Variants in TSHZ2 observed in about 807,000 individuals in gnomAD.
TSHZ2 encodes teashirt zinc finger homeobox 2.
Under a neutral mutation model 74.4 loss-of-function variants are expected in TSHZ2, and 21 were observed. The observed-to-expected ratio is 0.28, with a 90% confidence interval of 0.20 to 0.41. The LOEUF (loss-of-function observed/expected upper bound fraction) is 0.41, where lower values mean the gene tolerates loss of function less well. Among genes scored for constraint, TSHZ2 ranks in the 10% least tolerant of loss-of-function variants. The probability of loss-of-function intolerance (pLI) is 1.00; values close to 1 mark genes in which losing one functional copy is unlikely to be tolerated. For missense variants in TSHZ2, 1,244 were observed against 1,293.5 expected, an observed-to-expected ratio of 0.96 and a Z score of 0.59; for synonymous variants, 540 against 515.3, an observed-to-expected ratio of 1.05 and a Z score of -0.65.
At chr20:52,997,813 G>T (rs1421689677) in intron 1 of TSHZ2, among the ~76,000 whole-genome samples, 2 of 152,194 alleles carry the variant, frequency 1.3e-5, no homozygotes, top group African/African-American at 2.4e-5. Context: ...TGCAAAGTGG[G>T]TTCATAAAAT....
At chr20:53,065,103 C>T (rs1195601918) in intron 1 of TSHZ2, among the ~76,000 whole-genome samples, 1 of 152,232 alleles carries the variant, frequency 6.6e-6, no homozygotes. Context: ...CACTTAACCT[C>T]ACTGCGCCTC....
At chr20:52,982,612 A>T (rs989771262) in intron 1 of TSHZ2, among the ~76,000 whole-genome samples, 2 of 152,234 alleles carry the variant, frequency 1.3e-5, no homozygotes, top group African/African-American at 4.8e-5. Context: ...ACAGTAGACA[A>T]GAATAGAGAT....
chr20:53,284,984 C>T (rs552106939), intron 2 of TSHZ2, among the ~76,000 whole-genome samples: 4 of 152,086 alleles, frequency 2.6e-5, no homozygotes, highest in African/African-American at 7.2e-5. Context: ...TCACGAGGGC[C>T]GGCGCTGCAA....
At chr20:53,133,053 A>T (rs1247895409) in intron 1 of TSHZ2, among the ~76,000 whole-genome samples, 1 of 152,074 alleles carries the variant, frequency 6.6e-6, no homozygotes, top group Non-Finnish European at 1.5e-5. Flanking sequence ...TATGTTTTTA[A>T]TATTATTCAT....
At chr20:53,307,352 T>C (rs1169706349) in intron 2 of TSHZ2, among the ~76,000 whole-genome samples, 1 of 152,194 alleles carries the variant, frequency 6.6e-6, no homozygotes, top group Non-Finnish European at 1.5e-5. Flanking sequence ...GCTATAGAGC[T>C]GTCAAGAAAA....
At chr20:53,192,303 A>C (rs983574217) in intron 1 of TSHZ2, among the ~76,000 whole-genome samples, 2 of 152,046 alleles carry the variant, frequency 1.3e-5, no homozygotes, top group African/African-American at 4.8e-5. Flanking sequence ...AAAAAAAAAA[A>C]AAAACAAAAA....
At chr20:53,122,885 A>T (rs1055031716) in intron 1 of TSHZ2, among the ~76,000 whole-genome samples, 4 of 152,200 alleles carry the variant, frequency 2.6e-5, no homozygotes, top group African/African-American at 9.7e-5. Context: ...ACTTCTGATT[A>T]AATACATTTT....
At chr20:53,023,620 T>G (rs772184289) in intron 1 of TSHZ2, among the ~76,000 whole-genome samples, 6,024 of 51,574 alleles carry the variant, frequency 0.12, 167 homozygotes, top group Non-Finnish European at 0.13. Flanking sequence ...TCGTTTTTTG[T>G]TTTTTTTTTT....
At chr20:53,433,273 AG>A (rs1454062658) in intron 2 of TSHZ2, among the ~76,000 whole-genome samples, 1 of 152,184 alleles carries the variant, frequency 6.6e-6, no homozygotes, top group Non-Finnish European at 1.5e-5. Flanking sequence ...GCACTAAGGA[AG>A]GAGGATCACT....
At chr20:53,125,107 A>G (rs1389765265) in intron 1 of TSHZ2, among the ~76,000 whole-genome samples, 1 of 152,254 alleles carries the variant, frequency 6.6e-6, no homozygotes, top group Non-Finnish European at 1.5e-5. Context: ...CGATTTTGTC[A>G]TCTCGAAAAT....
rs148188030 is a variant in TSHZ2 at position 53,162,502 on chromosome 20, A to G, written c.41-90997A>G. Among the ~76,000 whole-genome samples, 621 of 152,146 alleles carry G rather than the reference A, an allele frequency of 4.1e-3. 3 individuals are homozygous for G. Among genetic ancestry groups the G allele is most frequent in the South Asian group, 0.014 (69 of 4,828 alleles). ...TGATGGTAAAGAGATGAGATCAGCC[A>G]CTAGGGGATCGGTCGATGGGATCAG... is the stretch of plus-strand genomic sequence containing the variant. On this transcript the variant is annotated intron_variant, in intron 1 of 2. Transcript: ENST00000371497.
At chr20:53,173,741 C>CAGGT (rs999093881) in intron 1 of TSHZ2, among the ~76,000 whole-genome samples, 2 of 151,972 alleles carry the variant, frequency 1.3e-5, no homozygotes, top group Non-Finnish European at 2.9e-5. Flanking sequence ...GGTGGGTAGG[C>CAGGT]AGGTAGGTAG....
chr20:53,278,501 G>A (rs75810088), intron 2 of TSHZ2, among the ~76,000 whole-genome samples: 9,079 of 152,122 alleles, frequency 0.06, 413 homozygotes, highest in Admixed American at 0.12. Context: ...CAGGACTGAT[G>A]CAGTAGCCAC....
At chr20:53,252,751 T>C (rs1000987854) in intron 1 of TSHZ2, among the ~76,000 whole-genome samples, 1 of 152,190 alleles carries the variant, frequency 6.6e-6, no homozygotes, top group African/African-American at 2.4e-5. Flanking sequence ...TTCAACCTTG[T>C]CTGGAAAGGT....
At chr20:53,201,016 A>ATT (rs199964279) in intron 1 of TSHZ2, among the ~76,000 whole-genome samples, 8 of 149,300 alleles carry the variant, frequency 5.4e-5, no homozygotes, top group South Asian at 2.1e-4. Flanking sequence ...TTTTCCATTA[A>ATT]TTTTTTTTTT....
At chr20:53,389,870 G>A (rs766543969) in intron 2 of TSHZ2, among the ~76,000 whole-genome samples, 47 of 152,190 alleles carry the variant, frequency 3.1e-4, no homozygotes, top group Non-Finnish European at 6.2e-4. Flanking sequence ...AGAATTGTCC[G>A]GCCTGAAATG....
At chr20:53,024,275 A>G (rs1442801375) in intron 1 of TSHZ2, among the ~76,000 whole-genome samples, 1 of 151,962 alleles carries the variant, frequency 6.6e-6, no homozygotes, top group East Asian at 1.9e-4. Flanking sequence ...TTCAGGGGAA[A>G]CCAAATCATA....
chr20:53,410,474 T>TGGA (rs2145695963), intron 2 of TSHZ2, among the ~76,000 whole-genome samples: 1 of 152,206 alleles, frequency 6.6e-6, no homozygotes, highest in Admixed American at 6.5e-5. Context: ...ACAAAATCGG[T>TGGA]GGAGGAGGAG....
In TSHZ2 at chr20:53,388,326, TG is replaced by T. The variant is rs896660867; in HGVS notation, c.*9-98817del. 7.2e-5 allele frequency among the ~76,000 whole-genome samples: 11 copies of T among 152,236 alleles called. No homozygotes were observed. In the East Asian group the frequency reaches 9.6e-4, roughly 13 times the overall value. On this transcript the variant is annotated intron_variant, in intron 2 of 2. Coordinates refer to ENST00000371497, the MANE Select transcript of TSHZ2 (RefSeq NM_173485.6). ...CACATTTCTTGCTCCTTCACTTAAA[TG>T]ACACACAAATTATTGGGTATTCGCT...
Sources: allele counts gnomAD v4.1 joint callset (sites outside exome capture counted in the v4.1 genomes callset), GRCh38; gene constraint gnomAD v4.1.1; transcripts MANE v1.5; gene names NCBI Gene and HGNC (gene_info 2026-07-23, HGNC 2026-07-21).